The following AGPAT4 variants were observed in gnomAD, a reference collection of about 807,000 sequenced individuals.
AGPAT4 encodes 1-acyl-sn-glycerol-3-phosphate acyltransferase delta.
Under a neutral mutation model 48.0 loss-of-function variants are expected in AGPAT4, and 15 were observed. The observed-to-expected ratio is 0.31, with a 90% CI of 0.21 to 0.48. The LOEUF (loss-of-function observed/expected upper bound fraction) is 0.48. AGPAT4 is among the 20% of genes least tolerant of loss of function. The pLI, the probability that AGPAT4 is intolerant of heterozygous loss-of-function variation, is 0.99. For synonymous variants in AGPAT4, 178 were observed against 198.7 expected, an observed-to-expected ratio of 0.90 and a Z score of 0.88; for missense variants, 314 against 482.5, an observed-to-expected ratio of 0.65 and a Z score of 3.27.
At chr6:161,186,658 C>T (rs541827790) in intron 2 of AGPAT4, among the ~76,000 whole-genome samples, 20 of 152,122 alleles carry the variant, frequency 1.3e-4, no homozygotes, top group African/African-American at 2.7e-4. Context: ...TGGCTCCGCA[C>T]GATCAACCAG....
intron 2 of AGPAT4, among the ~76,000 whole-genome samples, chr6:161,190,961 G>A (rs1780906346): frequency 6.6e-6 from 1 of 152,158 alleles, no homozygotes; most frequent in African/African-American, 2.4e-5. Flanking sequence ...GTTTTTTCCA[G>A]TCTGGATTTC....
rs1037222987 is a variant in AGPAT4, at chr6:161,177,001, C to T, written c.179-10584G>A. Among the ~76,000 whole-genome samples the T allele has an allele frequency of 1.4e-4, 22 of 152,032 alleles. No individual in the cohort carries two copies. Among genetic ancestry groups the T allele is most frequent in the Non-Finnish European group, 3.1e-4 (21 of 67,994 alleles). ...CTCTTCTGGCGTGTAGAGCTTCTGC[C>T]GAGAGATCTGCTGTTAGTCTGATGG... is the stretch of plus-strand genomic sequence containing the variant. On this transcript the variant is annotated intron_variant, in intron 2 of 8. Transcript: ENST00000320285. The surrounding 1 kb of genome is among the most constrained non-coding windows in gnomAD (Gnocchi z 5.0).
intron 3 of AGPAT4, among the ~76,000 whole-genome samples, chr6:161,163,905 T>G (rs1780012751): frequency 6.6e-6 from 1 of 152,188 alleles, no homozygotes; most frequent in Non-Finnish European, 1.5e-5. Flanking sequence ...CCGAAGACTC[T>G]AATCCTAAGC....
At position 161,234,781 on chromosome 6, in the gene AGPAT4, A is replaced by G. The variant is rs1340923108; in HGVS notation, c.-89-2479T>C. 6.6e-6 allele frequency among the ~76,000 whole-genome samples: 1 copy of G among 152,146 alleles called. No homozygotes were observed. Among genetic ancestry groups the G allele is most frequent in the African/African-American group, 2.4e-5 (1 of 41,438 alleles). ...GCTTTGCCAATTCTACACTAAGAAA[A>G]GGAAGCCAGCTGACATCGGAAATGC... On this transcript the variant is annotated intron_variant, in intron 1 of 8. Coordinates refer to ENST00000320285, the MANE Select transcript of AGPAT4 (RefSeq NM_020133.3). This position sits in a 1 kb window ranked among gnomAD's most constrained non-coding sequence, Gnocchi z 4.4.
rs9295142 is a variant in AGPAT4, at chr6:161,226,019, A to C, written c.178+6017T>G. On this transcript the variant is annotated intron_variant, in intron 2 of 8. Transcript: ENST00000320285. This position sits in a 1 kb window ranked among gnomAD's most constrained non-coding sequence, Gnocchi z 6.3. The stretch of plus-strand genomic sequence containing the variant: ...GATGATCAGTTTTAGGATCATGTCC[A>C]CCTACAGCCGGTTACTGAACCCTCT... Among the ~76,000 whole-genome samples the C allele has an allele frequency of 0.055, 8,415 of 152,166 alleles. 309 individuals carry two copies. Among genetic ancestry groups the C allele is most frequent in the East Asian group, 0.18 (934 of 5,150 alleles).
In AGPAT4 at chr6:161,233,197, A is replaced by G. The variant is rs1782176071; in HGVS notation, c.-89-895T>C. Reference sequence around the variant, plus strand: ...AATCAGAAAGAAACTCAACACATACATACAGTTAGACTCACAGTCCTGTAA... The same window carrying G: ...AATCAGAAAGAAACTCAACACATACGTACAGTTAGACTCACAGTCCTGTAA... On this transcript the variant is annotated intron_variant, in intron 1 of 8. Transcript: ENST00000320285. The surrounding 1 kb of genome is among the most constrained non-coding windows in gnomAD (Gnocchi z 5.4). Among the ~76,000 whole-genome samples the G allele has an allele frequency of 6.6e-6, 1 of 152,128 alleles. No individual in the cohort carries two copies. The highest frequency in any genetic ancestry group is 1.5e-5 in the Non-Finnish European group (1 of 68,028).
chr6:161,176,281 G>A (rs1225419220), intron 2 of AGPAT4, among the ~76,000 whole-genome samples: 1 of 152,118 alleles, frequency 6.6e-6, no homozygotes, highest in African/African-American at 2.4e-5. Context: ...AAGTCTCTTT[G>A]TAGGTCTCTA....
chr6:161,205,054 G>A (rs745996753), intron 2 of AGPAT4, among the ~76,000 whole-genome samples: 1 of 152,154 alleles, frequency 6.6e-6, no homozygotes, highest in African/African-American at 2.4e-5. Flanking sequence ...TCTGAGTGTC[G>A]ATCTGCAGGC....
chr6:161,153,440 C>T lies in AGPAT4; in HGVS notation c.570G>A (p.Gln190=), dbSNP rs1779650042. Reference sequence around the variant, plus strand: ...GAGGCAGCCCCTTGGCCCGGGCCACCTGCATGCTGATCTCATGCTTCTTCT... The same window carrying T: ...GAGGCAGCCCCTTGGCCCGGGCCACTTGCATGCTGATCTCATGCTTCTTCT... The part of the protein sequence containing the change: ...FTEKKHEISM[Q]VARAKGLPRL... Residue 190 remains glutamine (Q), a synonymous_variant, in exon 5 of 9, where the codon CAG becomes CAA. Coordinates refer to ENST00000320285, the MANE Select transcript of AGPAT4 (RefSeq NM_020133.3). The T allele has an allele frequency of 3.1e-6, 5 of 1,612,826 alleles. No homozygotes were observed. Among genetic ancestry groups the T allele is most frequent in the Middle Eastern group, 1.7e-4 (1 of 6,060 alleles).
intron 1 of AGPAT4, among the ~76,000 whole-genome samples, chr6:161,268,102 C>T (rs932663926): frequency 2.6e-5 from 4 of 152,150 alleles, no homozygotes; most frequent in Admixed American, 2.6e-4. Flanking sequence ...TTTACTTTCT[C>T]TCTCTGTAAA....
chr6:161,203,534 G>A (rs12211968), intron 2 of AGPAT4, among the ~76,000 whole-genome samples: 56,176 of 151,342 alleles, frequency 0.37, 11,190 homozygotes, highest in African/African-American at 0.5. Flanking sequence ...GATTACAGGC[G>A]CCTGCCACCA....
In AGPAT4 at chr6:161,220,624, T is replaced by A. The variant is rs1279200571; in HGVS notation, c.178+11412A>T. On this transcript the variant is annotated intron_variant, in intron 2 of 8. Coordinates refer to ENST00000320285, the MANE Select transcript of AGPAT4 (RefSeq NM_020133.3). This position sits in a 1 kb window ranked among gnomAD's most constrained non-coding sequence, Gnocchi z 6.0. Reference sequence around the variant, plus strand: ...ACAGAACCGAATATTGCAAAATGGGTAGGCAATGCCCCCACCTGATTTGTG... The same window carrying A: ...ACAGAACCGAATATTGCAAAATGGGAAGGCAATGCCCCCACCTGATTTGTG... 6.6e-6 allele frequency among the ~76,000 whole-genome samples: 1 copy of A among 152,082 alleles called. No individual in the cohort carries two copies. Among genetic ancestry groups the A allele is most frequent in the Non-Finnish European group, 1.5e-5 (1 of 68,004 alleles).
Position 161,134,511 on chromosome 6 carries a change from T to TA in AGPAT4, c.*2028dup. 6.6e-6 allele frequency: 1 copy of TA among 152,284 alleles called. No homozygotes were observed. The highest frequency in any genetic ancestry group is 1.9e-4 in the East Asian group (1 of 5,178). The allele number at this position is 152,284 out of a possible 1,614,324, so 9.4% of individuals were successfully genotyped here. ...CCTTGGCTTAGTGCTTTAGGATTCT[T>TA]AAAGTGTGCTCTTTTACCCTTGACA... On this transcript the variant is annotated 3_prime_UTR_variant, in exon 9 of 9. Transcript: ENST00000320285.
rs1782612167 is a variant in AGPAT4, at chr6:161,245,072, C to T, written c.-89-12770G>A. ...GTGCACCAACTGGCAACTTATTTTGCAGTGGCCTATGCCAACCAGGGTAGA... is the reference window on the plus strand; with the variant it reads ...GTGCACCAACTGGCAACTTATTTTGTAGTGGCCTATGCCAACCAGGGTAGA... On this transcript the variant is annotated intron_variant, in intron 1 of 8. Coordinates refer to ENST00000320285, the MANE Select transcript of AGPAT4 (RefSeq NM_020133.3). The surrounding 1 kb of genome is among the most constrained non-coding windows in gnomAD (Gnocchi z 5.2). 6.6e-6 allele frequency among the ~76,000 whole-genome samples: 1 copy of T among 152,258 alleles called. No individual in the cohort carries two copies.
In AGPAT4 at chr6:161,158,181, G is replaced by A. The variant is rs1290510403; in HGVS notation, c.349-3871C>T. On this transcript the variant is annotated intron_variant, in intron 3 of 8. Transcript: ENST00000320285. This position sits in a 1 kb window ranked among gnomAD's most constrained non-coding sequence, Gnocchi z 5.3. ...TCACTGTGCACAGACAGTTGCCCAA[G>A]TTAACTCACTTATGACAAAGAGACT... Among the ~76,000 whole-genome samples the A allele has an allele frequency of 6.6e-6, 1 of 152,148 alleles. No individual in the cohort carries two copies.
chr6:161,209,717 TTGTC>T (rs1781473800), intron 2 of AGPAT4, among the ~76,000 whole-genome samples: 1 of 152,182 alleles, frequency 6.6e-6, no homozygotes, highest in Admixed American at 6.5e-5. Flanking sequence ...GGGTCCTCAT[TTGTC>T]TGTCCAGCTT....
At position 161,139,716 on chromosome 6, in the gene AGPAT4, A is replaced by G. The variant is rs1012425482; in HGVS notation, c.844-96T>C. On this transcript the variant is annotated intron_variant, in intron 7 of 8. Coordinates refer to ENST00000320285, the MANE Select transcript of AGPAT4 (RefSeq NM_020133.3). This position sits in a 1 kb window ranked among gnomAD's most constrained non-coding sequence, Gnocchi z 9.1. ...TTCCAAGGGAATCGCAGAGATACAC[A>G]GGTGCCACCGGGGCTCGGCAGAACT... is the stretch of plus-strand genomic sequence containing the variant. 3.5e-6 allele frequency: 4 copies of G among 1,134,362 alleles called. No individual in the cohort carries two copies. Among genetic ancestry groups the G allele is most frequent in the Non-Finnish European group, 3.8e-6 (3 of 798,158 alleles). The allele number at this position is 1,134,362 out of a possible 1,614,324, so 70.3% of individuals were successfully genotyped here. A position where few individuals can be genotyped will look rare whatever the true frequency, so the allele number is the denominator to read the frequency against.
In AGPAT4 at chr6:161,233,902, T is replaced by G. The variant is rs1782197640; in HGVS notation, c.-89-1600A>C. 6.6e-6 allele frequency among the ~76,000 whole-genome samples: 1 copy of G among 152,242 alleles called. No homozygotes were observed. Among genetic ancestry groups the G allele is most frequent in the Admixed American group, 6.5e-5 (1 of 15,288 alleles). ...TCCTATGAATCCCACAAGACGAGTA[T>G]TCTTATCATCCCACTTTTCAGAATA... On this transcript the variant is annotated intron_variant, in intron 1 of 8. Coordinates refer to ENST00000320285, the MANE Select transcript of AGPAT4 (RefSeq NM_020133.3). The surrounding 1 kb of genome is among the most constrained non-coding windows in gnomAD (Gnocchi z 5.4).
chr6:161,143,978 A>G lies in AGPAT4; in HGVS notation c.843+2546T>C. ...AAAATCAACAGAACTGTCTTTTGACATACACCACACTTCTGACTGCAAGGT... is the reference window on the plus strand; with the variant it reads ...AAAATCAACAGAACTGTCTTTTGACGTACACCACACTTCTGACTGCAAGGT... On this transcript the variant is annotated intron_variant, in intron 7 of 8. Transcript: ENST00000320285. The surrounding 1 kb of genome is among the most constrained non-coding windows in gnomAD (Gnocchi z 4.7). The G allele has an allele frequency of 5.7e-6, 2 of 352,036 alleles. No homozygotes were observed. The highest frequency in any genetic ancestry group is 4.4e-5 in the South Asian group (2 of 45,852). The allele number at this position is 352,036 out of a possible 1,614,324, so 21.8% of individuals were successfully genotyped here.
Sources: gnomAD v4.1 joint callset for allele counts (sites outside exome capture counted in the v4.1 genomes callset) on GRCh38, gnomAD v4.1.1 for gene constraint, Gnocchi (gnomAD v3.1) non-coding constraint, MANE v1.5 for transcripts, NCBI Gene and HGNC (gene_info 2026-07-23, HGNC 2026-07-21) for gene names.